WDR87: variants seen among roughly 807,000 people sequenced by gnomAD.
WDR87 encodes the protein WD repeat-containing protein 87.
Under a neutral mutation model 83.3 loss-of-function variants are expected in WDR87, and 56 were observed. That is an observed-to-expected ratio of 0.67 (90% CI 0.54 to 0.84). The LOEUF (loss-of-function observed/expected upper bound fraction) is 0.84, where lower values mean the gene tolerates loss of function less well. Ranked by LOEUF, WDR87 falls within the 40% of genes least tolerant of loss-of-function variation. The probability of loss-of-function intolerance (pLI) is 0.00; values close to 1 mark genes in which losing one functional copy is unlikely to be tolerated. For synonymous variants in WDR87, 1,173 were observed against 1,250.6 expected (o/e 0.94, Z 1.31); for missense variants, 2,939 against 3,431.9 (o/e 0.86, Z 3.59).
At chr19:37,898,808 G>A (rs2046275176) in intron 1 of WDR87, among the ~76,000 whole-genome samples, 1 of 140,964 alleles carries the variant, frequency 7.1e-6, no homozygotes, top group African/African-American at 2.5e-5. Flanking sequence ...CATACTTCAT[G>A]CTTTTCAGCT....
In WDR87 at chr19:37,894,538, A is replaced by G; in HGVS notation, c.1165T>C (p.Leu389=). The change falls in exon 4 of 6, where the codon TTG becomes CTG. Residue 389 remains leucine (L), a synonymous_variant. Coordinates refer to ENST00000447313, the MANE Select transcript of WDR87 (RefSeq NM_001291088.2). ...CCTGTTACTGGGGACACAAAGCGCAACAAGCCATCCTCAGTGGTACACAGG... is the reference window on the plus strand; with the variant it reads ...CCTGTTACTGGGGACACAAAGCGCAGCAAGCCATCCTCAGTGGTACACAGG... ...RILCTTEDGL[L]RFVSPVTGDL... The G allele has an allele frequency of 6.4e-7, 1 of 1,551,706 alleles. No individual in the cohort carries two copies. Among genetic ancestry groups the G allele is most frequent in the Non-Finnish European group, 8.7e-7 (1 of 1,146,994 alleles).
Position 37,895,028 on chromosome 19 carries a change from G to T in WDR87, c.675C>A (p.Gly225=). ...ETVVRVLMHQ[G]KGQLGEVKRF... is the part of the protein sequence containing the mutation. ...TCTTTACCTCTCCCAGCTGGCCCTTGCCCTGGTGCATAAGGACCCTCACCA... is the reference window on the plus strand; with the variant it reads ...TCTTTACCTCTCCCAGCTGGCCCTTTCCCTGGTGCATAAGGACCCTCACCA... Residue 225 remains glycine, a synonymous_variant, in exon 4 of 6, where the codon GGC becomes GGA. Transcript: ENST00000447313. 1 of 1,551,668 alleles carries T rather than the reference G, an allele frequency of 6.4e-7. No homozygotes were observed. The highest frequency in any genetic ancestry group is 2.4e-5 in the East Asian group (1 of 40,914).
Position 37,887,188 on chromosome 19 carries a change from C to T in WDR87, c.6483G>A (p.Glu2161=). ...CTGATCGTTTTTCAGAAAAATCCCACTCTTTGATATCCAGCTTACTCTGTT... is the reference window on the plus strand; with the variant it reads ...CTGATCGTTTTTCAGAAAAATCCCATTCTTTGATATCCAGCTTACTCTGTT... The part of the protein sequence containing the change: ...SIEQSKLDIK[E]WDFSEKRSEL... The change falls in exon 6 of 6, where the codon GAG becomes GAA. Residue 2161 remains glutamate, a synonymous_variant. Coordinates refer to ENST00000447313, the MANE Select transcript of WDR87 (RefSeq NM_001291088.2). 1 of 1,551,694 alleles carries T rather than the reference C, an allele frequency of 6.4e-7. No homozygotes were observed. Among genetic ancestry groups the T allele is most frequent in the Non-Finnish European group, 8.7e-7 (1 of 1,147,018 alleles).
Position 37,894,191 on chromosome 19 carries a change from G to T in WDR87, c.1512C>A (p.Gly504=). Residue 504 remains glycine (G), a synonymous_variant, in exon 4 of 6, where the codon GGC becomes GGA. Transcript: ENST00000447313. ...ACAGCGTGGAGAGTGCCAGTACAGC[G>T]CCAAAGTGCATGAATTTTTCTAATC... ...CARLEKFMHF[G]AVLALSTLSG... 1 of 1,552,184 alleles carries T rather than the reference G, an allele frequency of 6.4e-7. No homozygotes were observed. Among genetic ancestry groups the T allele is most frequent in the Non-Finnish European group, 8.7e-7 (1 of 1,147,122 alleles).
chr19:37,896,104 A>G (rs2046253318), intron 3 of WDR87, 34 bp downstream of exon 3: 1 of 1,550,878 alleles, frequency 6.4e-7, no homozygotes, highest in Admixed American at 2.0e-5. Context: ...GCTCTTGGAG[A>G]ATGGGCCAAG....
In WDR87 at chr19:37,889,218, C is replaced by T. The variant is rs1209574361; in HGVS notation, c.4453G>A (p.Gly1485Arg). 1 of 1,552,080 alleles carries T rather than the reference C, an allele frequency of 6.4e-7. No individual in the cohort carries two copies. Among genetic ancestry groups the T allele is most frequent in the Non-Finnish European group, 8.7e-7 (1 of 1,147,094 alleles). ...GTCCTCTCAATCATAACCAGTTTTCCTTCTTGTTTGACCACTTTCTCCTCT... is the reference window on the plus strand; with the variant it reads ...GTCCTCTCAATCATAACCAGTTTTCTTTCTTGTTTGACCACTTTCTCCTCT... ...TLEEKVVKQE[G>R]KLVMIERTPS... The change falls in exon 6 of 6, where the codon GGA becomes AGA. Residue 1485 changes from glycine to arginine, a missense_variant. Around this residue, in one of 3 missense-constraint regions of WDR87, gnomAD observed 2,160 missense variants for 2,533.1 expected, o/e 0.85. Transcript: ENST00000447313.
rs1480654816 is a variant in WDR87 at position 37,893,553 on chromosome 19, T to G, written c.2150A>C (p.Lys717Thr). Residue 717 changes from lysine (K) to threonine (T), a missense_variant, in exon 4 of 6, where the codon AAG becomes ACG. This residue lies in a region of WDR87 where 553 missense variants were observed against 577.9 expected (regional missense o/e 0.96). Transcript: ENST00000447313. Reference protein sequence around the residue: ...FFSFETMFVPKYIYPGQAQQK... With the variant: ...FFSFETMFVPTYIYPGQAQQK... ...TTGCGCTTGTCCAGGGTAGATGTAC[T>G]TGGGCACAAACATGGTCTCAAAGGA... 1 of 1,551,704 alleles carries G rather than the reference T, an allele frequency of 6.4e-7. No individual in the cohort carries two copies. Among genetic ancestry groups the G allele is most frequent in the Non-Finnish European group, 8.7e-7 (1 of 1,147,052 alleles).
intron 1 of WDR87, among the ~76,000 whole-genome samples, chr19:37,905,777 C>T (rs927793671): frequency 6.6e-6 from 1 of 152,128 alleles, no homozygotes; most frequent in African/African-American, 2.4e-5. Context: ...CAGTCTCCAA[C>T]TCCTGGCCTT....
Position 37,889,089 on chromosome 19 carries a change from GC to G in WDR87, c.4581del (p.Arg1527SerfsTer29), listed in dbSNP as rs1244419554. On this transcript the variant is annotated frameshift_variant, in exon 6 of 6. Coordinates refer to ENST00000447313, the MANE Select transcript of WDR87 (RefSeq NM_001291088.2). LOFTEE classifies it low-confidence loss of function (END_TRUNC). ...TGTAGTTTCTCCTCTTCCTGAAGAAGCCTCTTCTCCCATTCTTCCTTCCATG... is the reference window on the plus strand; with the variant it reads ...TGTAGTTTCTCCTCTTCCTGAAGAAGCTCTTCTCCCATTCTTCCTTCCATG... ...WKAWKEEWEKRLLQEEEKLHQ... is the reference protein window; with the variant it reads ...WKAWKEEWEKXLLQEEEKLHQ... The G allele has an allele frequency of 6.4e-7, 1 of 1,552,140 alleles. No homozygotes were observed. Among genetic ancestry groups the G allele is most frequent in the Middle Eastern group, 1.7e-4 (1 of 5,998 alleles).
At chr19:37,897,188 A>ATGCATCTG (rs890080428) in intron 2 of WDR87, among the ~76,000 whole-genome samples, 36 of 144,464 alleles carry the variant, frequency 2.5e-4, no homozygotes, top group African/African-American at 9.3e-4. Context: ...GCTATGAAAC[A>ATGCATCTG]TGCATCTGGG....
At chr19:37,891,131 C>A (rs2046200919) in intron 5 of WDR87, among the ~76,000 whole-genome samples, 1 of 150,214 alleles carries the variant, frequency 6.7e-6, no homozygotes, top group Admixed American at 6.7e-5. Context: ...ATGATGAGAT[C>A]TTTCCACTTA....
At chr19:37,890,545 A>C (rs1004523852) in intron 5 of WDR87, among the ~76,000 whole-genome samples, 1 of 152,094 alleles carries the variant, frequency 6.6e-6, no homozygotes, top group Non-Finnish European at 1.5e-5. Flanking sequence ...CATAAAAATC[A>C]ATTTTACTGA....
Position 37,884,980 on chromosome 19 carries a change from A to T in WDR87, c.8691T>A (p.Asp2897Glu). ...GTGTCAGTGCCTTGGTGAGATGAAG[A>T]TCAGCTTCAGGCAGGCTCTTCCAGG... The part of the protein sequence containing the change: ...ELAWKSLPEA[D>E]LHLTKALTHT... The change falls in exon 6 of 6, where the codon GAT becomes GAA. Residue 2897 changes from aspartate to glutamate, a missense_variant. Asp to Glu is a conservative substitution (Grantham distance 45). This residue lies in a region of WDR87 where 2,160 missense variants were observed against 2,533.1 expected (regional missense o/e 0.85). Coordinates refer to ENST00000447313, the MANE Select transcript of WDR87 (RefSeq NM_001291088.2). 7.2e-7 allele frequency: 1 copy of T among 1,385,384 alleles called. No individual in the cohort carries two copies. The highest frequency in any genetic ancestry group is 3.3e-5 in the Admixed American group (1 of 30,708). The allele number at this position is 1,385,384 out of a possible 1,614,324, so 85.8% of individuals were successfully genotyped here. A position where few individuals can be genotyped will look rare whatever the true frequency, so the allele number is the denominator to read the frequency against.
rs754787834 is a variant in WDR87, at chr19:37,888,556, G to C, written c.5115C>G (p.Ala1705=). Residue 1705 remains alanine, a synonymous_variant, in exon 6 of 6, where the codon GCC becomes GCG. Coordinates refer to ENST00000447313, the MANE Select transcript of WDR87 (RefSeq NM_001291088.2). ...EKLAQKRKKL[A]KKWEKVAREE... ...CTCTAGCCACTTTCTCCCATTTCTT[G>C]GCCAGTTTCTTCCTTTTCTGGGCCA... 7.7e-6 allele frequency: 12 copies of C among 1,551,476 alleles called. No homozygotes were observed. Among genetic ancestry groups the C allele is most frequent in the Non-Finnish European group, 1.0e-5 (12 of 1,146,998 alleles).
In WDR87 at chr19:37,898,151, T is replaced by C. The variant is rs756909956; in HGVS notation, c.75+14A>G. ...GCCAACCTATAATATGTTTATGTCC[T>C]ACATATACATTACCTTGCTTTTATT... On this transcript the variant is annotated intron_variant, in intron 2 of 5. Coordinates refer to ENST00000447313, the MANE Select transcript of WDR87 (RefSeq NM_001291088.2). 1 of 1,551,340 alleles carries C rather than the reference T, an allele frequency of 6.4e-7. No individual in the cohort carries two copies. Among genetic ancestry groups the C allele is most frequent in the Non-Finnish European group, 8.7e-7 (1 of 1,146,680 alleles).
intron 1 of WDR87, among the ~76,000 whole-genome samples, chr19:37,900,962 CAAA>C (rs878938966): frequency 3.4e-5 from 1 of 29,510 alleles, no homozygotes; most frequent in African/African-American, 9.0e-5. Context: ...CCTGTCTCTA[CAAA>C]AAAAAAAAAA....
At chr19:37,906,250 A>G (rs1351213316) in intron 1 of WDR87, among the ~76,000 whole-genome samples, 1 of 152,150 alleles carries the variant, frequency 6.6e-6, no homozygotes, top group Non-Finnish European at 1.5e-5. Context: ...AATTTGGACA[A>G]AATTTCCCAA....
In WDR87 at chr19:37,893,036, C is replaced by T; in HGVS notation, c.2667G>A (p.Met889Ile). The change falls in exon 4 of 6, where the codon ATG becomes ATA. Residue 889 changes from methionine (M) to isoleucine (I), a missense_variant. Physicochemically the swap from Met to Ile is conservative, Grantham distance 10 (BLOSUM62 1). Coordinates refer to ENST00000447313, the MANE Select transcript of WDR87 (RefSeq NM_001291088.2). ...TGTAGGTTACATCCTTGGAAAGTCT[C>T]ATTTCTAGGAAGTGTTCATCCTCCT... is the stretch of plus-strand genomic sequence containing the variant. ...NKEEDEHFLE[M>I]RLSKDVTYSV... 2 of 1,551,724 alleles carry T rather than the reference C, an allele frequency of 1.3e-6. No homozygotes were observed. Among genetic ancestry groups the T allele is most frequent in the Non-Finnish European group, 1.7e-6 (2 of 1,147,006 alleles).
At chr19:37,896,577 C>T (rs971547648) in intron 2 of WDR87, among the ~76,000 whole-genome samples, 2 of 152,282 alleles carry the variant, frequency 1.3e-5, no homozygotes, top group Non-Finnish European at 2.9e-5. Context: ...AAATGATGTT[C>T]TTTTCAACAT....
Sources: allele counts gnomAD v4.1 joint callset (sites outside exome capture counted in the v4.1 genomes callset), GRCh38; gene constraint gnomAD v4.1.1; regional missense constraint gnomAD v4.1.1; transcripts MANE v1.5; gene names NCBI Gene and HGNC (gene_info 2026-07-23, HGNC 2026-07-21).